Variants in GALNT13 observed in about 807,000 individuals in gnomAD.
GALNT13 encodes the protein UDP-GalNAc:polypeptide N-acetylgalactosaminyltransferase 13.
A neutral mutation model predicts 64.2 loss-of-function variants in GALNT13; 28 were observed. The observed-to-expected ratio is 0.44, with a 90% CI of 0.32 to 0.60. GALNT13 has a LOEUF of 0.60. Among genes scored for constraint, GALNT13 ranks in the 20% least tolerant of loss-of-function variants. GALNT13 has a pLI of 0.05. For missense variants in GALNT13, 577 were observed against 669.8 expected, an observed-to-expected ratio of 0.86 and a Z score of 1.53; for synonymous variants, 214 against 224.6, an observed-to-expected ratio of 0.95 and a Z score of 0.42.
At chr2:154,078,521 T>G (rs1403495243) in intron 3 of GALNT13, among the ~76,000 whole-genome samples, 1 of 151,536 alleles carries the variant, frequency 6.6e-6, no homozygotes, top group Non-Finnish European at 1.5e-5. Context: ...TTCTTCATCT[T>G]TCTTTATCTC....
the GALNT13 span, among the ~76,000 whole-genome samples, chr2:153,430,169 T>C: frequency 6.6e-6 from 1 of 152,096 alleles, no homozygotes; most frequent in Non-Finnish European, 1.5e-5. Context: ...ACATGGACTA[T>C]TGAGGTTTGA....
At chr2:154,415,071 A>G (rs1380667166) in intron 11 of GALNT13, among the ~76,000 whole-genome samples, 1 of 151,550 alleles carries the variant, frequency 6.6e-6, no homozygotes, top group Non-Finnish European at 1.5e-5. Flanking sequence ...AGGCTAAGGC[A>G]GGAAGATCTC....
At chr2:153,937,907 A>G (rs1174711174) in intron 2 of GALNT13, among the ~76,000 whole-genome samples, 1 of 152,350 alleles carries the variant, frequency 6.6e-6, no homozygotes, top group East Asian at 1.9e-4. Context: ...ACGTAGTGGC[A>G]GGACCTAAAG....
At chr2:154,026,226 A>G (rs1158755723) in intron 3 of GALNT13, among the ~76,000 whole-genome samples, 1 of 152,204 alleles carries the variant, frequency 6.6e-6, no homozygotes, top group Non-Finnish European at 1.5e-5. Context: ...AGATTAACTT[A>G]TGGCTATATT....
the GALNT13 span, among the ~76,000 whole-genome samples, chr2:153,789,482 A>G: frequency 1.3e-5 from 2 of 152,272 alleles, no homozygotes; most frequent in Middle Eastern, 6.8e-3. Context: ...TGCCCACACC[A>G]AAAAGTCAGG....
chr2:153,891,019 G>C (rs1687517277), intron 1 of GALNT13, among the ~76,000 whole-genome samples: 1 of 151,932 alleles, frequency 6.6e-6, no homozygotes, highest in South Asian at 2.1e-4. Flanking sequence ...TCCTATACTT[G>C]AATAAATTCT....
the GALNT13 span, among the ~76,000 whole-genome samples, chr2:153,266,928 T>A: frequency 6.6e-6 from 1 of 152,180 alleles, no homozygotes; most frequent in Non-Finnish European, 1.5e-5. Flanking sequence ...ACAAGGCAAG[T>A]CCCTCTGCCT....
intron 9 of GALNT13, among the ~76,000 whole-genome samples, chr2:154,352,746 A>G (rs1696482882): frequency 1.3e-5 from 2 of 152,164 alleles, no homozygotes; most frequent in Non-Finnish European, 2.9e-5. Context: ...TCCTAGGGTT[A>G]GTACTTTCAA....
At chr2:153,771,419 G>C in the GALNT13 span, among the ~76,000 whole-genome samples, 2 of 152,262 alleles carry the variant, frequency 1.3e-5, no homozygotes, top group African/African-American at 2.4e-5. Context: ...GGAAGGAAAT[G>C]GTACCTCAGG....
chr2:153,579,598 A>G, the GALNT13 span, among the ~76,000 whole-genome samples: 2 of 152,156 alleles, frequency 1.3e-5, no homozygotes, highest in Admixed American at 1.3e-4. Context: ...AATAGCATGA[A>G]TGTTTCCAAA....
At chr2:153,209,072 G>A in the GALNT13 span, among the ~76,000 whole-genome samples, 5 of 139,348 alleles carry the variant, frequency 3.6e-5, no homozygotes, top group African/African-American at 1.1e-4. Flanking sequence ...TCTGCCTCCC[G>A]GTTCACGCCA....
At chr2:154,428,648 T>C (rs1262495213) in intron 11 of GALNT13, among the ~76,000 whole-genome samples, 1 of 152,184 alleles carries the variant, frequency 6.6e-6, no homozygotes, top group Non-Finnish European at 1.5e-5. Context: ...ACATGGAGCA[T>C]GTCTATTGGC....
the GALNT13 span, among the ~76,000 whole-genome samples, chr2:153,405,179 G>T: frequency 3.9e-5 from 6 of 152,212 alleles, no homozygotes; most frequent in African/African-American, 1.4e-4. Context: ...TTTGCTGGAT[G>T]AGAGTGGCAG....
At chr2:154,340,078 T>C (rs1695674611) in intron 9 of GALNT13, among the ~76,000 whole-genome samples, 1 of 152,160 alleles carries the variant, frequency 6.6e-6, no homozygotes, top group African/African-American at 2.4e-5. Flanking sequence ...ATGTTGTATA[T>C]GGCTTTCAAA....
intron 2 of GALNT13, among the ~76,000 whole-genome samples, chr2:153,908,445 T>C (rs1688725663): frequency 6.6e-6 from 1 of 152,162 alleles, no homozygotes; most frequent in Non-Finnish European, 1.5e-5. Flanking sequence ...TTTTGGTGTT[T>C]TTGTCGTGAA....
At chr2:153,264,126 A>G in the GALNT13 span, among the ~76,000 whole-genome samples, 14 of 152,242 alleles carry the variant, frequency 9.2e-5, no homozygotes, top group Non-Finnish European at 1.8e-4. Context: ...AAAAGTGGGC[A>G]TAGGAAATGA....
At chr2:153,766,805 A>C in the GALNT13 span, among the ~76,000 whole-genome samples, 32 of 151,960 alleles carry the variant, frequency 2.1e-4, no homozygotes, top group Non-Finnish European at 4.4e-5. Context: ...TGTATTCTTG[A>C]AGCTAATTAA....
At chr2:153,685,276 T>C in the GALNT13 span, among the ~76,000 whole-genome samples, 1 of 151,894 alleles carries the variant, frequency 6.6e-6, no homozygotes, top group Non-Finnish European at 1.5e-5. Context: ...ACCAACAGTA[T>C]ACAAGTTTTT....
chr2:154,141,868 GA>G, intron 4 of GALNT13, among the ~76,000 whole-genome samples: 1 of 152,242 alleles, frequency 6.6e-6, no homozygotes, highest in Non-Finnish European at 1.5e-5. Flanking sequence ...AAATGATGTT[GA>G]AAAATTCAAC....
Sources: allele counts gnomAD v4.1 joint callset (sites outside exome capture counted in the v4.1 genomes callset), GRCh38; gene constraint gnomAD v4.1.1; transcripts MANE v1.5; gene names NCBI Gene and HGNC (gene_info 2026-07-23, HGNC 2026-07-21).